The following WDPCP variants were observed in gnomAD, a reference collection of about 807,000 sequenced individuals.
WDPCP encodes WD repeat containing planar cell polarity effector, also known as WD repeat-containing and planar cell polarity effector protein fritz homolog.
In WDPCP, 71 loss-of-function variants were observed where a neutral mutation model predicts 93.1. The observed-to-expected ratio is 0.76, with a 90% CI of 0.63 to 0.93. The LOEUF (loss-of-function observed/expected upper bound fraction) is 0.93, where lower values mean the gene tolerates loss of function less well. Among genes scored for constraint, WDPCP ranks in the 40% least tolerant of loss-of-function variants. The pLI, the probability that WDPCP is intolerant of heterozygous loss-of-function variation, is 0.00. For missense variants in WDPCP, 844 were observed against 887.4 expected, an observed-to-expected ratio of 0.95 and a Z score of 0.62; for synonymous variants, 315 against 315.0, an observed-to-expected ratio of 1.00 and a Z score of 0.00.
chr2:63,663,850 T>C (rs982868395), intron 2 of WDPCP, among the ~76,000 whole-genome samples: 6 of 152,224 alleles, frequency 3.9e-5, no homozygotes, highest in Admixed American at 2.6e-4. Context: ...GATGTTCACA[T>C]CATGCATTTG....
chr2:63,362,166 A>G (rs1690513776), intron 12 of WDPCP, among the ~76,000 whole-genome samples: 1 of 148,646 alleles, frequency 6.7e-6, no homozygotes, highest in Non-Finnish European at 1.5e-5. Context: ...AACAGAACTT[A>G]TTTTTTCCAT....
chr2:63,372,966 A>G (rs914173137), intron 12 of WDPCP, among the ~76,000 whole-genome samples: 7 of 152,178 alleles, frequency 4.6e-5, no homozygotes, highest in Admixed American at 2.0e-4. Context: ...TCTACTAAAA[A>G]TACAAAATTA....
At chr2:63,442,433 C>T (rs1697560993) in intron 6 of WDPCP, 1 of 152,144 alleles carries the variant, frequency 6.6e-6, no homozygotes, top group South Asian at 2.1e-4. Flanking sequence ...GCTCCTGCCT[C>T]CAGGCATAGA....
intron 10 of WDPCP, 73 bp from the exon 11 acceptor site, chr2:63,382,167 A>G (rs1692369985): frequency 2.0e-6 from 3 of 1,475,368 alleles, no homozygotes; most frequent in Non-Finnish European, 2.7e-6. Context: ...TAATTTTTCC[A>G]TAAAGAAAAA....
intron 10 of WDPCP, among the ~76,000 whole-genome samples, chr2:63,382,533 A>G (rs1342416068): frequency 3.9e-5 from 6 of 152,100 alleles, no homozygotes; most frequent in African/African-American, 1.4e-4. Context: ...TTCAATGTTT[A>G]CTGATTAAAG....
the WDPCP span, among the ~76,000 whole-genome samples, chr2:63,839,450 C>A: frequency 6.6e-6 from 1 of 152,290 alleles, no homozygotes; most frequent in East Asian, 1.9e-4. Flanking sequence ...CCCAGCTACT[C>A]GAGAGGCTAA....
intron 12 of WDPCP, among the ~76,000 whole-genome samples, chr2:63,353,671 C>T (rs918886522): frequency 7.9e-5 from 12 of 152,266 alleles, no homozygotes; most frequent in African/African-American, 2.6e-4. Context: ...TTGGCAGGAC[C>T]TCCCAACTAG....
Position 63,439,746 on chromosome 2 carries a change from G to C in WDPCP, c.499+11C>G, listed in dbSNP as rs368323869. 8.3e-5 allele frequency: 134 copies of C among 1,608,708 alleles called. No homozygotes were observed. Among genetic ancestry groups the C allele is most frequent in the Non-Finnish European group, 1.1e-4 (128 of 1,175,546 alleles). ...AATGTAGGCAATTGATTTGCACATG[G>C]GGGTAATTACCATCACTGATGGTGT... On this transcript the variant is annotated intron_variant, in intron 7 of 17. Transcript: ENST00000272321.
In WDPCP at chr2:63,588,166, G is replaced by C. The variant is rs532518189; in HGVS notation, c.75+31C>G. ...CGCATTCCGGATCCTAAGGTTAAAA[G>C]AAAACCCCTTGCCCTCGGGCCAGGG... is the stretch of plus-strand genomic sequence containing the variant. On this transcript the variant is annotated intron_variant, in intron 1 of 17. Coordinates refer to ENST00000272321, the MANE Select transcript of WDPCP (RefSeq NM_015910.7). 1.2e-5 allele frequency: 19 copies of C among 1,553,048 alleles called. No homozygotes were observed. In the East Asian group the frequency reaches 2.2e-4, roughly 18 times the overall value.
chr2:63,410,340 G>A (rs1268996490), intron 9 of WDPCP, among the ~76,000 whole-genome samples: 2 of 152,060 alleles, frequency 1.3e-5, no homozygotes, highest in East Asian at 3.9e-4. Flanking sequence ...CCACTACCAA[G>A]CAACCACTAC....
chr2:63,397,692 C>T (rs1693840410), intron 10 of WDPCP, among the ~76,000 whole-genome samples: 1 of 152,094 alleles, frequency 6.6e-6, no homozygotes, highest in Non-Finnish European at 1.5e-5. Context: ...GCTGAAAAGT[C>T]ATCAAACAAT....
chr2:63,232,432 C>T (rs1678993381), intron 14 of WDPCP: 2 of 152,184 alleles, frequency 1.3e-5, no homozygotes, highest in South Asian at 4.1e-4. Context: ...ATCTTTCCTT[C>T]TAAGTTTAGA....
At chr2:63,199,773 G>A (rs2104317495) in intron 14 of WDPCP, among the ~76,000 whole-genome samples, 1 of 152,340 alleles carries the variant, frequency 6.6e-6, no homozygotes, top group Non-Finnish European at 1.5e-5. Context: ...CCCCACTGGG[G>A]CACTGCCTAG....
At chr2:63,712,105 TA>T in intron 2 of WDPCP, among the ~76,000 whole-genome samples, 1 of 152,172 alleles carries the variant, frequency 6.6e-6, no homozygotes, top group Admixed American at 6.5e-5. Context: ...AGAATCTCAT[TA>T]GGGGCCAAAC....
At chr2:63,303,984 A>AC (rs1553602160) in intron 13 of WDPCP, among the ~76,000 whole-genome samples, 2 of 151,558 alleles carry the variant, frequency 1.3e-5, no homozygotes, top group African/African-American at 4.9e-5. Context: ...AAAAAAAAAA[A>AC]AACAGATGTA....
intron 2 of WDPCP, among the ~76,000 whole-genome samples, chr2:63,765,617 G>A (rs1223476332): frequency 6.6e-6 from 1 of 152,146 alleles, no homozygotes; most frequent in Non-Finnish European, 1.5e-5. Flanking sequence ...CATGCCTCTG[G>A]CTTCTATGCA....
chr2:63,722,538 C>T (rs1332771730), intron 2 of WDPCP, among the ~76,000 whole-genome samples: 2,063 of 111,254 alleles, frequency 0.019, 2 homozygotes, highest in Non-Finnish European at 0.026. Context: ...CCCGGCCAGC[C>T]GCCCCATCCG....
chr2:63,432,331 T>C (rs1029870819), intron 9 of WDPCP, among the ~76,000 whole-genome samples: 1 of 152,152 alleles, frequency 6.6e-6, no homozygotes, highest in Non-Finnish European at 1.5e-5. Flanking sequence ...TTCTGTTGGG[T>C]CCCACTATAG....
chr2:63,836,161 C>G, the WDPCP span, among the ~76,000 whole-genome samples: 2 of 152,304 alleles, frequency 1.3e-5, no homozygotes, highest in East Asian at 3.9e-4. Context: ...AGCTGAGAAT[C>G]TTCTCTTTAA....
Sources: allele counts gnomAD v4.1 joint callset (sites outside exome capture counted in the v4.1 genomes callset), GRCh38; gene constraint gnomAD v4.1.1; transcripts MANE v1.5; gene names NCBI Gene and HGNC (gene_info 2026-07-23, HGNC 2026-07-21).